Variants in NEDD4L observed in about 807,000 individuals in gnomAD.
NEDD4L encodes NEDD4 like E3 ubiquitin protein ligase, also known as E3 ubiquitin-protein ligase NEDD4-like.
A neutral mutation model predicts 148.9 loss-of-function variants in NEDD4L; 54 were observed. The ratio of observed to expected loss-of-function variants is 0.36; its 90% confidence interval spans 0.29 to 0.45. The LOEUF (loss-of-function observed/expected upper bound fraction) is 0.45. Among genes scored for constraint, NEDD4L ranks in the 20% least tolerant of loss-of-function variants. The probability of loss-of-function intolerance (pLI) is 1.00; values close to 1 mark genes in which losing one functional copy is unlikely to be tolerated. For missense variants in NEDD4L, 856 were observed against 1,233.8 expected, an observed-to-expected ratio of 0.69 and a Z score of 4.59; for synonymous variants, 433 against 440.7, an observed-to-expected ratio of 0.98 and a Z score of 0.22.
intron 1 of NEDD4L, among the ~76,000 whole-genome samples, chr18:58,096,980 T>G (rs988276699): frequency 6.6e-6 from 1 of 152,224 alleles, no homozygotes; most frequent in African/African-American, 2.4e-5. Context: ...CTTTCTATTT[T>G]GCATTAGTCA....
At chr18:58,385,221 A>G (rs767545589) in intron 25 of NEDD4L, among the ~76,000 whole-genome samples, 13 of 152,228 alleles carry the variant, frequency 8.5e-5, no homozygotes, top group Non-Finnish European at 1.6e-4. Context: ...CACATTTTAA[A>G]GCAGTTAAAG....
chr18:58,172,086 C>T (rs2146759029), intron 2 of NEDD4L, among the ~76,000 whole-genome samples: 1 of 152,218 alleles, frequency 6.6e-6, no homozygotes, highest in South Asian at 2.1e-4. Context: ...CTGCACCTGA[C>T]CCTCACCTTA....
In NEDD4L at chr18:58,255,703, C is replaced by T. The variant is rs1028127400; in HGVS notation, c.297+3649C>T. ...GCAGCAACACAGCCCCCGAATCAGA[C>T]ATCCTAGACCAGGAGAGAGAAGACG... On this transcript the variant is annotated intron_variant, in intron 5 of 30. Transcript: ENST00000400345. The T allele has an allele frequency of 1.7e-5, 21 of 1,232,286 alleles. No homozygotes were observed. In the African/African-American group the frequency reaches 2.5e-4, roughly 15 times the overall value. The allele number at this position is 1,232,286 out of a possible 1,614,324, so 76.3% of individuals were successfully genotyped here.
chr18:58,143,866 A>C (rs2033819886), intron 1 of NEDD4L, among the ~76,000 whole-genome samples: 2 of 152,338 alleles, frequency 1.3e-5, no homozygotes, highest in South Asian at 4.1e-4. Flanking sequence ...ACATCTAGGA[A>C]AGAGAATGTT....
In NEDD4L at chr18:58,070,477, C is replaced by T. The variant is rs117389631; in HGVS notation, c.48+25769C>T. Among the ~76,000 whole-genome samples the T allele has an allele frequency of 1.6e-4, 25 of 152,014 alleles. No individual in the cohort carries two copies. The South Asian group carries it at 4.4e-3, about 27-fold the overall frequency. On this transcript the variant is annotated intron_variant, in intron 1 of 30. Transcript: ENST00000400345. ...GTAGAGATGGAGTCTCCCTATGTTA[C>T]CCAGGCTCAAACAGTTTTTTTAAAA...
chr18:58,094,455 G>C (rs1438806880), intron 1 of NEDD4L, among the ~76,000 whole-genome samples: 1 of 152,016 alleles, frequency 6.6e-6, no homozygotes, highest in Admixed American at 6.6e-5. Flanking sequence ...CTACAGTGTT[G>C]GGATTACAGA....
Position 58,366,163 on chromosome 18 carries a change from A to C in NEDD4L, c.1998A>C (p.Glu666Asp). The change falls in exon 21 of 31, where the codon GAA (glutamate) becomes GAC (aspartate). Residue 666 changes from glutamate to aspartate, a missense_variant. Transcript: ENST00000400345. This position sits in a 1 kb window ranked among gnomAD's most constrained non-coding sequence, Gnocchi z 4.2. ...KGLDYGGVAR[E>D]WFFLLSKEMF... is the part of the protein sequence containing the mutation. ...TTGACTATGGGGGTGTGGCCAGAGAATGGTTCTTCTTACTGTCCAAAGAGA... is the reference window on the plus strand; with the variant it reads ...TTGACTATGGGGGTGTGGCCAGAGACTGGTTCTTCTTACTGTCCAAAGAGA... The C allele has an allele frequency of 6.2e-7, 1 of 1,613,582 alleles. No individual in the cohort carries two copies. Among genetic ancestry groups the C allele is most frequent in the Non-Finnish European group, 8.5e-7 (1 of 1,179,764 alleles).
intron 28 of NEDD4L, 56 bp downstream of exon 28, chr18:58,389,248 C>A: frequency 7.9e-7 from 1 of 1,273,794 alleles, no homozygotes; most frequent in Non-Finnish European, 1.1e-6. Flanking sequence ...GGATTGAGGG[C>A]TGTGTGGCGC....
At chr18:58,300,853 A>C (rs17807652) in intron 5 of NEDD4L, among the ~76,000 whole-genome samples, 24,666 of 152,170 alleles carry the variant, frequency 0.16, 2,274 homozygotes, top group Non-Finnish European at 0.19. Flanking sequence ...AATTGGAAGT[A>C]TGTGCATATT....
At chr18:58,231,440 A>G (rs2045222933) in intron 2 of NEDD4L, among the ~76,000 whole-genome samples, 1 of 152,038 alleles carries the variant, frequency 6.6e-6, no homozygotes, top group African/African-American at 2.4e-5. Flanking sequence ...AAGATTTCCA[A>G]GGCCATGGGG....
At chr18:58,063,949 CTTTTTTTTTTTTTTTTTTTTTTTT>C (rs58608106) in intron 1 of NEDD4L, among the ~76,000 whole-genome samples, 4 of 129,880 alleles carry the variant, frequency 3.1e-5, no homozygotes, top group Admixed American at 2.3e-4. Context: ...TATAATGTTT[CTTTTTTTTTTTTTTTTTTTTTTTT>C]TTTTTTTTTG....
intron 1 of NEDD4L, among the ~76,000 whole-genome samples, chr18:58,067,419 T>G (rs1002095095): frequency 6.6e-6 from 1 of 152,194 alleles, no homozygotes; most frequent in Non-Finnish European, 1.5e-5. Context: ...CTTTTGCTAT[T>G]TTCGTTTAAG....
In NEDD4L at chr18:58,219,468, C is replaced by T. The variant is rs148456615; in HGVS notation, c.123-25959C>T. Among the ~76,000 whole-genome samples the T allele has an allele frequency of 5.3e-4, 81 of 152,252 alleles. 1 individual carries two copies. Among genetic ancestry groups the T allele is most frequent in the African/African-American group, 1.7e-3 (71 of 41,540 alleles). On this transcript the variant is annotated intron_variant, in intron 2 of 30. Transcript: ENST00000400345. The stretch of plus-strand genomic sequence containing the variant: ...TGTTGTGATTGTTTGCCAGGGCGGT[C>T]GTAACAAAGTAGCACAGACTGGGTG...
chr18:58,129,163 C>T (rs1424723263), intron 1 of NEDD4L, among the ~76,000 whole-genome samples: 1 of 152,244 alleles, frequency 6.6e-6, no homozygotes, highest in Admixed American at 6.5e-5. Flanking sequence ...GAGAAAGTTG[C>T]CCAGCCAGTT....
chr18:58,184,285 G>A (rs1010991869), intron 2 of NEDD4L, among the ~76,000 whole-genome samples: 1 of 152,104 alleles, frequency 6.6e-6, no homozygotes, highest in East Asian at 1.9e-4. Context: ...TAGGAGAAAC[G>A]TTCTGAAGTC....
At position 58,390,984 on chromosome 18, in the gene NEDD4L, T is replaced by C. The variant is rs187467088; in HGVS notation, c.2752+242T>C. Among the ~76,000 whole-genome samples the C allele has an allele frequency of 1.3e-4, 19 of 147,662 alleles. No homozygotes were observed. The East Asian group carries it at 3.3e-3, about 26-fold the overall frequency. ...GTGAAGAGGTCCATAAGGCTGCTCT[T>C]TTTTTTTTTTCCTAGTTTAGTTTTT... is the stretch of plus-strand genomic sequence containing the variant. On this transcript the variant is annotated intron_variant, in intron 29 of 30. Transcript: ENST00000400345.
At chr18:58,235,201 G>A (rs1425482837) in intron 2 of NEDD4L, among the ~76,000 whole-genome samples, 1 of 152,092 alleles carries the variant, frequency 6.6e-6, no homozygotes, top group Non-Finnish European at 1.5e-5. Flanking sequence ...GTATACCAGT[G>A]AGCTCCACCA....
At chr18:58,309,197 C>T (rs895108612) in intron 5 of NEDD4L, among the ~76,000 whole-genome samples, 2 of 152,172 alleles carry the variant, frequency 1.3e-5, no homozygotes, top group African/African-American at 2.4e-5. Flanking sequence ...CACTGCCCCA[C>T]GGGGCCACGC....
At chr18:58,141,803 A>C (rs748345411) in intron 1 of NEDD4L, among the ~76,000 whole-genome samples, 14 of 152,208 alleles carry the variant, frequency 9.2e-5, no homozygotes, top group Admixed American at 1.3e-4. Context: ...CTACATTTCA[A>C]GTTAAAAATG....
Sources: allele counts gnomAD v4.1 joint callset (sites outside exome capture counted in the v4.1 genomes callset), GRCh38; gene constraint gnomAD v4.1.1; non-coding constraint Gnocchi (gnomAD v3.1); transcripts MANE v1.5; gene names NCBI Gene and HGNC (gene_info 2026-07-23, HGNC 2026-07-21).